RASAL2: variants seen among roughly 807,000 people sequenced by gnomAD.
RASAL2 encodes ras GTPase-activating protein nGAP.
Under a neutral mutation model 128.9 loss-of-function variants are expected in RASAL2, and 58 were observed. The ratio of observed to expected loss-of-function variants is 0.45; its 90% CI spans 0.36 to 0.56. RASAL2 has a LOEUF of 0.56. Among genes scored for constraint, RASAL2 ranks in the 20% least tolerant of loss-of-function variants. RASAL2 has a pLI of 0.00. For synonymous variants in RASAL2, 561 were observed against 580.8 expected, an observed-to-expected ratio of 0.97 and a Z score of 0.49; for missense variants, 1,360 against 1,601.6, an observed-to-expected ratio of 0.85 and a Z score of 2.57.
intron 4 of RASAL2, among the ~76,000 whole-genome samples, chr1:178,404,852 C>G (rs780181766): frequency 4.7e-5 from 7 of 148,844 alleles, no homozygotes; most frequent in Non-Finnish European, 7.5e-5. Context: ...CAGCTAATTT[C>G]TGTATTGTTT....
intron 16 of RASAL2, among the ~76,000 whole-genome samples, chr1:178,466,651 A>C (rs1647732195): frequency 6.6e-6 from 1 of 152,214 alleles, no homozygotes; most frequent in African/African-American, 2.4e-5. Flanking sequence ...ACGCATTATT[A>C]TTCTCATTTT....
intron 2 of RASAL2, among the ~76,000 whole-genome samples, chr1:178,291,470 G>C (rs1009847111): frequency 6.6e-6 from 1 of 152,186 alleles, no homozygotes. Flanking sequence ...CAGTAGACCA[G>C]GTGAGGAATA....
At chr1:178,439,374 C>G in intron 5 of RASAL2, 48 bp from the exon 6 acceptor site, 1 of 1,513,732 alleles carries the variant, frequency 6.6e-7, no homozygotes. Context: ...ACCTTCATTT[C>G]CTTGCTGGCC....
intron 1 of RASAL2, among the ~76,000 whole-genome samples, chr1:178,225,209 C>G (rs892547307): frequency 1.3e-5 from 2 of 151,654 alleles, no homozygotes; most frequent in African/African-American, 4.8e-5. Context: ...AGTGTTAAGG[C>G]TTTTATTTTT....
chr1:178,350,036 ATGTGT>A (rs964945532), intron 3 of RASAL2, among the ~76,000 whole-genome samples: 1 of 152,158 alleles, frequency 6.6e-6, no homozygotes, highest in African/African-American at 2.4e-5. Context: ...ATTAAAACAC[ATGTGT>A]TTAGTTTTAT....
chr1:178,404,730 G>A (rs990829607), intron 4 of RASAL2, among the ~76,000 whole-genome samples: 15 of 147,200 alleles, frequency 1.0e-4, no homozygotes, highest in African/African-American at 3.8e-4. Context: ...CGCCCAGGCT[G>A]GAGTACAGTG....
chr1:178,325,725 T>G (rs766552927), intron 3 of RASAL2, among the ~76,000 whole-genome samples: 9 of 152,236 alleles, frequency 5.9e-5, no homozygotes, highest in Non-Finnish European at 1.0e-4. Flanking sequence ...TGGCCTCTTC[T>G]AATAAGGCTT....
intron 1 of RASAL2, among the ~76,000 whole-genome samples, chr1:178,189,502 AG>A (rs1558104531): frequency 6.6e-6 from 1 of 152,208 alleles, no homozygotes; most frequent in East Asian, 1.9e-4. Flanking sequence ...TGGAAGCTTT[AG>A]AGTTATTTCA....
chr1:178,430,907 T>TACACACAC (rs71297897), intron 5 of RASAL2, among the ~76,000 whole-genome samples: 2,388 of 134,022 alleles, frequency 0.018, 23 homozygotes, highest in African/African-American at 0.036. Context: ...GGCAAAAAAG[T>TACACACAC]ACACACACAC....
chr1:178,375,615 G>T (rs1186579184), intron 3 of RASAL2, among the ~76,000 whole-genome samples: 2 of 152,088 alleles, frequency 1.3e-5, no homozygotes, highest in Admixed American at 1.3e-4. Flanking sequence ...TCAGCACGTG[G>T]AATACTCCTT....
chr1:178,253,035 G>A (rs73033480), intron 1 of RASAL2, among the ~76,000 whole-genome samples: 7,454 of 152,120 alleles, frequency 0.049, 264 homozygotes, highest in African/African-American at 0.1. Context: ...TTCTCTCTCA[G>A]TTCAGGAGGC....
chr1:178,440,664 G>A (rs1288562958), intron 6 of RASAL2, among the ~76,000 whole-genome samples: 1 of 152,066 alleles, frequency 6.6e-6, no homozygotes, highest in African/African-American at 2.4e-5. Context: ...TCTTGTATTT[G>A]CGGAACTCAG....
chr1:178,133,373 C>G (rs1488258938), intron 1 of RASAL2, among the ~76,000 whole-genome samples: 1 of 152,142 alleles, frequency 6.6e-6, no homozygotes, highest in African/African-American at 2.4e-5. Context: ...ACAAGTAAAC[C>G]TAGCAACTCT....
intron 1 of RASAL2, among the ~76,000 whole-genome samples, chr1:178,267,895 G>C (rs1235192994): frequency 6.6e-6 from 1 of 151,864 alleles, no homozygotes; most frequent in East Asian, 1.9e-4. Flanking sequence ...TTCTTTTGCT[G>C]TCATTCTTGG....
At chr1:178,296,091 GTATATAT>G (rs1416392644) in intron 2 of RASAL2, among the ~76,000 whole-genome samples, 1 of 150,972 alleles carries the variant, frequency 6.6e-6, no homozygotes, top group Non-Finnish European at 1.5e-5. Context: ...ATATGTGTGT[GTATATAT>G]ATGTGTATAT....
chr1:178,319,429 A>G lies in RASAL2; in HGVS notation c.457+19311A>G, dbSNP rs1028450856. On this transcript the variant is annotated intron_variant, in intron 3 of 17. Transcript: ENST00000367649. ...CATTCTCCCCATCACTTTCAGGTAC[A>G]CCAATCAGACGTAGATTTGGTCTTT... Among the ~76,000 whole-genome samples, 603 of 151,450 alleles carry G rather than the reference A, an allele frequency of 4.0e-3. 2 individuals carry two copies. The highest frequency in any genetic ancestry group is 0.013 in the African/African-American group (550 of 40,938).
chr1:178,132,296 A>G (rs1028599044), intron 1 of RASAL2, among the ~76,000 whole-genome samples: 3 of 151,096 alleles, frequency 2.0e-5, no homozygotes, highest in Admixed American at 6.6e-5. Flanking sequence ...GGCTCAAGTG[A>G]TTCTCCTGCC....
In RASAL2 at chr1:178,442,830, C is replaced by A; in HGVS notation, c.1083C>A (p.Gly361=). The A allele has an allele frequency of 6.2e-7, 1 of 1,613,756 alleles. No homozygotes were observed. The highest frequency in any genetic ancestry group is 8.5e-7 in the Non-Finnish European group (1 of 1,179,924). ...CCAAAGCAGACAATATTTTCTGGGG[C>A]GAACATTTTGAATTCTTCAGCCTTC... The part of the protein sequence containing the change: ...SKTKADNIFW[G]EHFEFFSLPP... The change falls in exon 8 of 18, where the codon GGC becomes GGA. Residue 361 remains glycine (G), a synonymous_variant. Transcript: ENST00000367649.
intron 1 of RASAL2, among the ~76,000 whole-genome samples, chr1:178,106,258 C>T (rs1659084626): frequency 1.3e-5 from 2 of 152,142 alleles, no homozygotes; most frequent in South Asian, 4.1e-4. Flanking sequence ...CATAAAAAAT[C>T]TCTTTGCCTG....
Sources: gnomAD v4.1 joint callset for allele counts (sites outside exome capture counted in the v4.1 genomes callset) on GRCh38, gnomAD v4.1.1 for gene constraint, MANE v1.5 for transcripts, NCBI Gene and HGNC (gene_info 2026-07-23, HGNC 2026-07-21) for gene names.